LPP: variants seen among roughly 807,000 people sequenced by gnomAD.
LPP encodes lipoma-preferred partner.
LPP carries 38 observed loss-of-function variants against 60.4 expected under a neutral mutation model. The observed-to-expected ratio is 0.63, with a 90% CI of 0.49 to 0.83. The LOEUF is 0.83. Ranked by LOEUF, LPP falls within the 40% of genes least tolerant of loss-of-function variation. LPP has a pLI of 0.00. For missense variants in LPP, 902 were observed against 783.6 expected (o/e 1.15, Z -1.80); for synonymous variants, 328 against 290.8 (o/e 1.13, Z -1.30).
At chr3:188,361,459 CCCTT>C (rs1231049235) in intron 3 of LPP, among the ~76,000 whole-genome samples, 40 of 132,398 alleles carry the variant, frequency 3.0e-4, no homozygotes, top group African/African-American at 7.3e-4. Flanking sequence ...TCCCCTCCCT[CCCTT>C]CCTTCCTTCC....
At chr3:188,618,903 T>C (rs1845332219) in intron 7 of LPP, among the ~76,000 whole-genome samples, 1 of 152,240 alleles carries the variant, frequency 6.6e-6, no homozygotes. Context: ...ATTTATGGAT[T>C]TATCAGTTAG....
chr3:188,175,465 A>G (rs1171623017), intron 1 of LPP, among the ~76,000 whole-genome samples: 2 of 152,184 alleles, frequency 1.3e-5, no homozygotes, highest in East Asian at 3.9e-4. Context: ...TCATTTCACA[A>G]TAAAGTTTCA....
At chr3:188,545,160 C>A in intron 6 of LPP, among the ~76,000 whole-genome samples, 1 of 119,094 alleles carries the variant, frequency 8.4e-6, no homozygotes, top group South Asian at 3.2e-4. Context: ...TGCTAGATGA[C>A]ACGTTAGTGG....
chr3:188,298,616 G>C (rs912317911), intron 2 of LPP, among the ~76,000 whole-genome samples: 2 of 152,220 alleles, frequency 1.3e-5, no homozygotes. Flanking sequence ...TTTACTTATG[G>C]CCTGCAGTGC....
intron 2 of LPP, among the ~76,000 whole-genome samples, chr3:188,272,915 T>C (rs769161826): frequency 6.6e-5 from 10 of 152,198 alleles, no homozygotes; most frequent in Non-Finnish European, 1.3e-4. Context: ...TATTAACTTG[T>C]TAGACCCTGC....
At chr3:188,328,718 G>C (rs76994916) in intron 2 of LPP, among the ~76,000 whole-genome samples, 2,655 of 152,272 alleles carry the variant, frequency 0.017, 85 homozygotes, top group South Asian at 0.12. Context: ...ATCGTAGTTT[G>C]ATCTTCAGCA....
intron 2 of LPP, among the ~76,000 whole-genome samples, chr3:188,261,757 A>AT (rs1491039349): frequency 1.8e-4 from 26 of 143,332 alleles, no homozygotes; most frequent in Admixed American, 1.3e-3. Flanking sequence ...AAAAAAAAAA[A>AT]ATATATATTA....
chr3:188,167,114 C>T lies in LPP; in HGVS notation c.-190+12862C>T, dbSNP rs564547031. The stretch of plus-strand genomic sequence containing the variant: ...TGGTTACTTAGCCTCTCTGAACTTC[C>T]AATTCCTCATCTCTAAAAGAGTGTA... On this transcript the variant is annotated intron_variant, in intron 1 of 11. Transcript: ENST00000617246. Among the ~76,000 whole-genome samples, 3 of 152,264 alleles carry T rather than the reference C, an allele frequency of 2.0e-5. No individual in the cohort carries two copies. The South Asian group carries it at 6.2e-4, about 32-fold the overall frequency.
At chr3:188,561,357 G>C (rs962603319) in intron 6 of LPP, among the ~76,000 whole-genome samples, 4 of 152,000 alleles carry the variant, frequency 2.6e-5, no homozygotes, top group African/African-American at 9.7e-5. Flanking sequence ...GCCTCAATAG[G>C]TAGTTACTGT....
intron 4 of LPP, among the ~76,000 whole-genome samples, chr3:188,470,941 G>A (rs73890509): frequency 0.1 from 15,762 of 152,130 alleles, 873 homozygotes; most frequent in East Asian, 0.14. Context: ...TGACAACAAA[G>A]CTTATCAAGT....
intron 6 of LPP, among the ~76,000 whole-genome samples, chr3:188,579,032 A>G (rs1486481759): frequency 3.3e-5 from 5 of 151,888 alleles, no homozygotes; most frequent in Non-Finnish European, 7.4e-5. Context: ...TCACTTACCA[A>G]AAAAAAAGGG....
intron 8 of LPP, among the ~76,000 whole-genome samples, chr3:188,732,686 C>G (rs1363163633): frequency 7.2e-6 from 1 of 139,584 alleles, no homozygotes; most frequent in East Asian, 2.0e-4. Flanking sequence ...CCACTGTGTT[C>G]CAGCCCTAGC....
At chr3:188,323,295 G>A (rs1757465962) in intron 2 of LPP, among the ~76,000 whole-genome samples, 1 of 152,214 alleles carries the variant, frequency 6.6e-6, no homozygotes, top group South Asian at 2.1e-4. Context: ...AAAGCACAGT[G>A]TGGGTAACTA....
intron 6 of LPP, among the ~76,000 whole-genome samples, chr3:188,547,988 T>G (rs1827117173): frequency 6.6e-6 from 1 of 152,140 alleles, no homozygotes. Context: ...TGTCTAACCT[T>G]GGAGCACTCA....
chr3:188,240,342 A>AAT, intron 2 of LPP, among the ~76,000 whole-genome samples: 1 of 143,746 alleles, frequency 7.0e-6, no homozygotes, highest in African/African-American at 2.6e-5. Context: ...TTTGGGTAAG[A>AAT]GTGTGTGTGT....
chr3:188,676,504 AAAAC>A (rs1858135809), intron 7 of LPP, among the ~76,000 whole-genome samples: 1 of 152,344 alleles, frequency 6.6e-6, no homozygotes, highest in South Asian at 2.1e-4. Flanking sequence ...TGAAAAGATT[AAAAC>A]AAACAACAGT....
At chr3:188,276,691 C>T (rs113088031) in intron 2 of LPP, among the ~76,000 whole-genome samples, 4 of 14,870 alleles carry the variant, frequency 2.7e-4, no homozygotes, top group South Asian at 1.6e-3. Flanking sequence ...CTCTCTCTCT[C>T]TCTTTCTCTC....
chr3:188,234,446 G>A (rs1482888067), intron 2 of LPP, among the ~76,000 whole-genome samples: 1 of 152,184 alleles, frequency 6.6e-6, no homozygotes, highest in Non-Finnish European at 1.5e-5. Context: ...CCATGGGAGT[G>A]GAGAGTGAAA....
intron 6 of LPP, among the ~76,000 whole-genome samples, chr3:188,575,255 T>C (rs1828949): frequency 0.68 from 103,378 of 152,006 alleles, 36,426 homozygotes; most frequent in Admixed American, 0.79. Flanking sequence ...TCTGAAGTTG[T>C]AAATTAAAAA....
Sources: allele counts gnomAD v4.1 joint callset (sites outside exome capture counted in the v4.1 genomes callset), GRCh38; gene constraint gnomAD v4.1.1; transcripts MANE v1.5; gene names NCBI Gene and HGNC (gene_info 2026-07-23, HGNC 2026-07-21).